The following SGCG variants were observed in gnomAD, a reference collection of about 807,000 sequenced individuals.
SGCG encodes sarcoglycan gamma.
In SGCG, 26 loss-of-function variants were observed where a neutral mutation model predicts 29.3. That is an observed-to-expected ratio of 0.89 (90% CI 0.65 to 1.23). The LOEUF is 1.23. SGCG is among the 50% of genes most tolerant of loss of function. SGCG has a pLI of 0.00. For missense variants in SGCG, 353 were observed against 356.0 expected, an observed-to-expected ratio of 0.99 and a Z score of 0.07; for synonymous variants, 145 against 129.7, an observed-to-expected ratio of 1.12 and a Z score of -0.80.
upstream of SGCG, chr13:23,180,857 A>G (rs1219151430): frequency 1.3e-5 from 2 of 152,194 alleles, no homozygotes; most frequent in African/African-American, 4.8e-5. Flanking sequence ...TGAACTGTTT[A>G]TGTCACTGAG....
At chr13:23,314,482 ATTAG>A (rs1468550561) in intron 6 of SGCG, among the ~76,000 whole-genome samples, 3 of 142,992 alleles carry the variant, frequency 2.1e-5, no homozygotes, top group Non-Finnish European at 4.6e-5. Flanking sequence ...TATATATCTT[ATTAG>A]TTCTGTCCCT....
chr13:23,183,586 G>A (rs566370714), intron 1 of SGCG, among the ~76,000 whole-genome samples: 1 of 151,240 alleles, frequency 6.6e-6, no homozygotes, highest in Non-Finnish European at 1.5e-5. Flanking sequence ...AAAGGCAAGT[G>A]ACTGTTTACC....
chr13:23,175,060 T>C, the SGCG span, among the ~76,000 whole-genome samples: 213 of 152,186 alleles, frequency 1.4e-3, no homozygotes, highest in African/African-American at 4.8e-3. Context: ...AAGAAATAAA[T>C]ATGTAAGTAG....
chr13:23,219,608 TGA>T (rs1878575615), intron 2 of SGCG, among the ~76,000 whole-genome samples: 1 of 152,098 alleles, frequency 6.6e-6, no homozygotes, highest in South Asian at 2.1e-4. Context: ...TTAAAATAGC[TGA>T]GAGGATTTTA....
the SGCG span, among the ~76,000 whole-genome samples, chr13:23,174,148 G>A: frequency 6.6e-6 from 1 of 152,182 alleles, no homozygotes; most frequent in Admixed American, 6.5e-5. Flanking sequence ...AAGCAAGGGA[G>A]TAAATGAAAG....
At chr13:23,172,399 ATAG>A in the SGCG span, among the ~76,000 whole-genome samples, 1 of 152,066 alleles carries the variant, frequency 6.6e-6, no homozygotes, top group Non-Finnish European at 1.5e-5. Context: ...AAATATTACT[ATAG>A]TATGCATATT....
chr13:23,278,045 G>A (rs1042290322), intron 4 of SGCG, among the ~76,000 whole-genome samples: 3 of 152,048 alleles, frequency 2.0e-5, no homozygotes, highest in South Asian at 2.1e-4. Flanking sequence ...TGTTGGCCAG[G>A]CTGGTGTCAA....
upstream of SGCG, among the ~76,000 whole-genome samples, chr13:23,177,236 G>A (rs1876586096): frequency 1.3e-5 from 2 of 152,150 alleles, no homozygotes; most frequent in African/African-American, 4.8e-5. Flanking sequence ...GGGGAAGAAA[G>A]GGATGAGCTT....
the SGCG span, among the ~76,000 whole-genome samples, chr13:23,164,399 C>T: frequency 6.6e-6 from 1 of 152,166 alleles, no homozygotes. Context: ...ATGTCACTTT[C>T]ATACACACTC....
At chr13:23,248,687 C>T (rs879532703) in intron 3 of SGCG, among the ~76,000 whole-genome samples, 7 of 146,250 alleles carry the variant, frequency 4.8e-5, no homozygotes, top group African/African-American at 1.0e-4. Context: ...GAACTAGACT[C>T]CGTCTCAAAA....
chr13:23,272,622 T>C (rs1256638515), intron 4 of SGCG, among the ~76,000 whole-genome samples: 4 of 152,214 alleles, frequency 2.6e-5, no homozygotes, highest in Admixed American at 2.6e-4. Context: ...ATGCTTGCTT[T>C]TCTCATTTAA....
chr13:23,277,400 A>T (rs1159242936), intron 4 of SGCG, among the ~76,000 whole-genome samples: 1 of 142,276 alleles, frequency 7.0e-6, no homozygotes, highest in Admixed American at 7.1e-5. Context: ...ACCAAAAAAT[A>T]AAGTGAAGCT....
At chr13:23,279,604 T>C (rs1593216346) in intron 5 of SGCG, 126 bp downstream of exon 5, 1 of 776,122 alleles carries the variant, frequency 1.3e-6, no homozygotes, top group Non-Finnish European at 2.0e-6. Flanking sequence ...TGTTGCATTT[T>C]CTCCATTGCA....
chr13:23,212,983 T>C (rs2137515182), intron 2 of SGCG, among the ~76,000 whole-genome samples: 1 of 152,290 alleles, frequency 6.6e-6, no homozygotes, highest in East Asian at 1.9e-4. Flanking sequence ...GATAGAGGCA[T>C]TCCATTTCTT....
At chr13:23,250,950 A>G (rs1404984215) in intron 4 of SGCG, among the ~76,000 whole-genome samples, 2 of 152,218 alleles carry the variant, frequency 1.3e-5, no homozygotes, top group South Asian at 2.1e-4. Flanking sequence ...ATAGAGGACA[A>G]TTAAAGCTAG....
intron 3 of SGCG, among the ~76,000 whole-genome samples, chr13:23,239,481 C>T (rs1007242586): frequency 3.3e-5 from 5 of 152,088 alleles, no homozygotes; most frequent in Non-Finnish European, 5.9e-5. Context: ...TTAAAGGAAG[C>T]CTTTCTGGCA....
At chr13:23,274,393 C>CT (rs150706018) in intron 4 of SGCG, among the ~76,000 whole-genome samples, 1 of 62,766 alleles carries the variant, frequency 1.6e-5, no homozygotes, top group African/African-American at 4.6e-5. Flanking sequence ...TTCTTTCTTT[C>CT]TCTTTTTTTT....
chr13:23,167,455 T>G, the SGCG span, among the ~76,000 whole-genome samples: 1 of 152,358 alleles, frequency 6.6e-6, no homozygotes, highest in East Asian at 1.9e-4. Context: ...ATAGTAGCTC[T>G]ATTTTTAGTC....
chr13:23,204,776 GC>G (rs1025321219), intron 2 of SGCG, among the ~76,000 whole-genome samples: 13 of 147,336 alleles, frequency 8.8e-5, no homozygotes, highest in Non-Finnish European at 1.6e-4. Flanking sequence ...TGCAATCTTG[GC>G]TCACTGCAAC....
Sources: gnomAD v4.1 joint callset for allele counts (sites outside exome capture counted in the v4.1 genomes callset) on GRCh38, gnomAD v4.1.1 for gene constraint, MANE v1.5 for transcripts, NCBI Gene and HGNC (gene_info 2026-07-23, HGNC 2026-07-21) for gene names.